PDE11A: variants seen among roughly 807,000 people sequenced by gnomAD.
PDE11A encodes phosphodiesterase 11A.
In PDE11A, 100 loss-of-function variants were observed where a neutral mutation model predicts 100.5. That is an observed-to-expected ratio of 1.00 (90% CI 0.85 to 1.18). The LOEUF (loss-of-function observed/expected upper bound fraction) is 1.18. Among genes scored for constraint, PDE11A ranks in the 50% most tolerant of loss-of-function variants. PDE11A has a pLI of 0.00. For missense variants in PDE11A, 1,141 were observed against 1,152.6 expected (o/e 0.99, Z 0.15); for synonymous variants, 381 against 420.8 (o/e 0.91, Z 1.16).
intron 19 of PDE11A, among the ~76,000 whole-genome samples, chr2:177,663,383 C>T (rs1209667545): frequency 4.6e-5 from 7 of 151,636 alleles, no homozygotes; most frequent in Admixed American, 4.6e-4. Flanking sequence ...GGGTCAGAGC[C>T]GAACACCATG....
At chr2:177,657,989 C>A in intron 19 of PDE11A, among the ~76,000 whole-genome samples, 1 of 152,138 alleles carries the variant, frequency 6.6e-6, no homozygotes, top group African/African-American at 2.4e-5. Flanking sequence ...AGGGGGCTTG[C>A]CAAGAGGCTG....
intron 2 of PDE11A, 110 bp from the exon 3 acceptor site, chr2:177,905,297 A>T (rs1266903333): frequency 4.7e-6 from 3 of 636,698 alleles, no homozygotes; most frequent in Non-Finnish European, 8.5e-6. Flanking sequence ...CTTTATTTGC[A>T]TCTATAGAGA....
intron 4 of PDE11A, among the ~76,000 whole-genome samples, chr2:177,883,705 C>A (rs142154825): frequency 6.6e-6 from 1 of 152,064 alleles, no homozygotes; most frequent in Non-Finnish European, 1.5e-5. Flanking sequence ...AATAAAGGGG[C>A]AAGCTATAGA....
chr2:177,777,912 T>C (rs934764328), intron 9 of PDE11A, among the ~76,000 whole-genome samples: 2 of 152,354 alleles, frequency 1.3e-5, no homozygotes, highest in Non-Finnish European at 2.9e-5. Context: ...TTGGTATTAA[T>C]TGAGCAAATA....
chr2:177,920,817 C>T (rs2085029612), intron 2 of PDE11A, among the ~76,000 whole-genome samples: 1 of 152,128 alleles, frequency 6.6e-6, no homozygotes. Flanking sequence ...AATCCCAGAA[C>T]TTTGGGAGGC....
chr2:177,707,440 A>C (rs965329991), intron 13 of PDE11A, among the ~76,000 whole-genome samples: 1 of 152,208 alleles, frequency 6.6e-6, no homozygotes, highest in Admixed American at 6.5e-5. Flanking sequence ...TCCTAGAAAT[A>C]GGAACAAGGA....
chr2:178,047,349 G>C (rs1427282661), intron 1 of PDE11A, among the ~76,000 whole-genome samples: 1 of 151,882 alleles, frequency 6.6e-6, no homozygotes, highest in Non-Finnish European at 1.5e-5. Context: ...TGTAATCCCA[G>C]TTACTTGGGA....
At chr2:177,974,921 A>G (rs201169203) in intron 2 of PDE11A, among the ~76,000 whole-genome samples, 4 of 158 alleles carry the variant, frequency 0.025, no homozygotes, top group Non-Finnish European at 0.039. Context: ...CTGCCCTAAA[A>G]GAGCTCCTGA....
chr2:177,931,925 A>G (rs1175503799), intron 2 of PDE11A, among the ~76,000 whole-genome samples: 1 of 151,376 alleles, frequency 6.6e-6, no homozygotes. Context: ...AAAAAAAAAA[A>G]AAAAAGAAAG....
At chr2:178,032,447 G>A (rs960890849) in intron 1 of PDE11A, among the ~76,000 whole-genome samples, 2 of 149,576 alleles carry the variant, frequency 1.3e-5, no homozygotes, top group East Asian at 2.0e-4. Flanking sequence ...TCGCATCACC[G>A]CACTCTAGCC....
chr2:178,096,499 C>T (rs376876728), intron 2 of PDE11A, among the ~76,000 whole-genome samples: 2 of 151,896 alleles, frequency 1.3e-5, no homozygotes, highest in African/African-American at 2.4e-5. Context: ...GCCACATGGT[C>T]GGGCTGCAAA....
chr2:177,958,038 G>A (rs1013189326), intron 2 of PDE11A, among the ~76,000 whole-genome samples: 7 of 151,006 alleles, frequency 4.6e-5, no homozygotes, highest in East Asian at 1.9e-4. Flanking sequence ...TAGCTGGTGC[G>A]CGCAACCATG....
At chr2:177,720,312 A>C (rs1446465969) in intron 12 of PDE11A, among the ~76,000 whole-genome samples, 1 of 152,160 alleles carries the variant, frequency 6.6e-6, no homozygotes, top group Admixed American at 6.5e-5. Flanking sequence ...ATGAGTATTT[A>C]TACTACTGGA....
intron 9 of PDE11A, among the ~76,000 whole-genome samples, chr2:177,781,248 T>G (rs2082450094): frequency 6.6e-6 from 1 of 152,148 alleles, no homozygotes; most frequent in Non-Finnish European, 1.5e-5. Context: ...CACAAAACAT[T>G]TATCAATTAA....
intron 2 of PDE11A, among the ~76,000 whole-genome samples, chr2:178,085,401 G>A (rs2087337008): frequency 1.3e-5 from 2 of 152,116 alleles, no homozygotes; most frequent in Admixed American, 6.5e-5. Context: ...GTGGAGGGGG[G>A]TGTTTTAAAA....
intron 12 of PDE11A, among the ~76,000 whole-genome samples, chr2:177,722,315 C>T (rs890035128): frequency 2.6e-5 from 4 of 152,022 alleles, no homozygotes; most frequent in South Asian, 2.1e-4. Flanking sequence ...GCTGATGGTG[C>T]GGGAGAATTT....
chr2:177,807,774 A>T (rs890353071), intron 9 of PDE11A, among the ~76,000 whole-genome samples: 4 of 152,218 alleles, frequency 2.6e-5, no homozygotes, highest in African/African-American at 9.6e-5. Context: ...TATGGGTTAC[A>T]CTTAGTATAC....
At chr2:178,001,152 G>A (rs868761416) in intron 2 of PDE11A, among the ~76,000 whole-genome samples, 23 of 152,226 alleles carry the variant, frequency 1.5e-4, no homozygotes, top group African/African-American at 4.6e-4. Flanking sequence ...ACCTATCACA[G>A]AGTACACTCT....
chr2:178,061,581 C>A (rs2086969958), intron 1 of PDE11A, among the ~76,000 whole-genome samples: 1 of 152,152 alleles, frequency 6.6e-6, no homozygotes, highest in African/African-American at 2.4e-5. Flanking sequence ...AGAATTCAAG[C>A]ATGAGGGTGA....
Sources: allele counts gnomAD v4.1 joint callset (sites outside exome capture counted in the v4.1 genomes callset), GRCh38; gene constraint gnomAD v4.1.1; transcripts MANE v1.5; gene names NCBI Gene and HGNC (gene_info 2026-07-23, HGNC 2026-07-21).